WLS: variants seen among roughly 807,000 people sequenced by gnomAD.
WLS encodes the protein protein wntless homolog.
A neutral mutation model predicts 62.8 loss-of-function variants in WLS; 23 were observed. The ratio of observed to expected loss-of-function variants is 0.37; its 90% CI spans 0.26 to 0.52. The LOEUF is 0.52. Among genes scored for constraint, WLS ranks in the 20% least tolerant of loss-of-function variants. The pLI is 0.92. For synonymous variants in WLS, 246 were observed against 244.1 expected (o/e 1.01, Z -0.07); for missense variants, 615 against 697.3 (o/e 0.88, Z 1.33).
At position 68,110,774 on chromosome 1, in the gene WLS, A is replaced by T. The variant is rs139227327; in HGVS notation, c.1511-12021T>A. Among the ~76,000 whole-genome samples, 4 of 151,778 alleles carry T rather than the reference A, an allele frequency of 2.6e-5. No homozygotes were observed. The East Asian group carries it at 7.7e-4, about 29-fold the overall frequency. The stretch of plus-strand genomic sequence containing the variant: ...ATATATATATATATTTGCTCGATAA[A>T]GGATATTGTGTTGTAGATCATGAGT... On this transcript the variant is annotated intron_variant, in intron 11 of 11. Transcript: ENST00000354777.
At chr1:68,122,024 C>T (rs1202007627), downstream of WLS, among the ~76,000 whole-genome samples, 6 of 152,280 alleles carry the variant, frequency 3.9e-5, no homozygotes, top group Non-Finnish European at 2.9e-5. Flanking sequence ...AGGAAGTCTA[C>T]GATGATGGAG....
intron 2 of WLS, among the ~76,000 whole-genome samples, chr1:68,177,496 A>G (rs1368278707): frequency 1.3e-5 from 2 of 152,020 alleles, no homozygotes; most frequent in Non-Finnish European, 2.9e-5. Flanking sequence ...CCTCCTTTCT[A>G]TTCAAGTCCG....
chr1:68,158,927 T>G (rs560244696), intron 3 of WLS, among the ~76,000 whole-genome samples, 196 bp downstream of exon 3: 1 of 152,320 alleles, frequency 6.6e-6, no homozygotes, highest in African/African-American at 2.4e-5. Context: ...GCAGGAAATC[T>G]TAACAGTAAT....
intron 1 of WLS, among the ~76,000 whole-genome samples, chr1:68,213,998 C>T (rs1053282920): frequency 2.2e-4 from 33 of 152,352 alleles, no homozygotes; most frequent in African/African-American, 7.9e-4. Flanking sequence ...AGCTTCTCTT[C>T]TGCCTTCAGG....
chr1:68,109,725 CATT>C (rs1180320189), intron 11 of WLS, among the ~76,000 whole-genome samples: 3 of 151,864 alleles, frequency 2.0e-5, no homozygotes, highest in Non-Finnish European at 4.4e-5. Context: ...GATCAATAAT[CATT>C]ATAGGTTCCA....
At position 68,126,098 on chromosome 1, in the gene WLS, G is replaced by C; in HGVS notation, c.*128C>G. ...AAACTGACAAATGTCCATGCCGCTG[G>C]TCCAAGAAACCACAGCTAAGAGCCA... On this transcript the variant is annotated 3_prime_UTR_variant, in exon 12 of 12. Transcript: ENST00000262348. 1 of 1,460,388 alleles carries C rather than the reference G, an allele frequency of 6.8e-7. No individual in the cohort carries two copies. The highest frequency in any genetic ancestry group is 9.1e-7 in the Non-Finnish European group (1 of 1,102,866). The allele number at this position is 1,460,388 out of a possible 1,614,324, so 90.5% of individuals were successfully genotyped here.
At chr1:68,122,212 C>CA (rs901836906), downstream of WLS, among the ~76,000 whole-genome samples, 6 of 152,172 alleles carry the variant, frequency 3.9e-5, no homozygotes, top group African/African-American at 1.4e-4. Flanking sequence ...TGGCCACTAC[C>CA]ATGTGAACAC....
At chr1:68,119,378 T>C (rs536519686) in intron 11 of WLS, among the ~76,000 whole-genome samples, 5 of 152,250 alleles carry the variant, frequency 3.3e-5, no homozygotes, top group Admixed American at 2.0e-4. Flanking sequence ...TACTCTTTCA[T>C]GTATTTTTGC....
intron 2 of WLS, among the ~76,000 whole-genome samples, chr1:68,165,063 C>T (rs916540727): frequency 6.6e-6 from 1 of 152,286 alleles, no homozygotes; most frequent in South Asian, 2.1e-4. Flanking sequence ...CAATAAAGTA[C>T]ATCCTACTTA....
At chr1:68,160,520 G>A (rs767235113) in intron 2 of WLS, among the ~76,000 whole-genome samples, 1 of 152,166 alleles carries the variant, frequency 6.6e-6, no homozygotes, top group Non-Finnish European at 1.5e-5. Flanking sequence ...CAACGCACTT[G>A]CCTTAAACAT....
chr1:68,210,689 T>C (rs1649477702), intron 1 of WLS, among the ~76,000 whole-genome samples: 1 of 152,116 alleles, frequency 6.6e-6, no homozygotes, highest in South Asian at 2.1e-4. Context: ...AAATTGGGGT[T>C]CCCTGTTGAA....
chr1:68,204,418 C>T (rs575953546), intron 1 of WLS, among the ~76,000 whole-genome samples: 39 of 152,142 alleles, frequency 2.6e-4, no homozygotes, highest in Admixed American at 2.4e-3. Context: ...CTCCCGGGTT[C>T]ACGCCATTGT....
At chr1:68,211,407 C>T (rs1358586280) in intron 1 of WLS, among the ~76,000 whole-genome samples, 1 of 151,846 alleles carries the variant, frequency 6.6e-6, no homozygotes, top group Non-Finnish European at 1.5e-5. Context: ...TCTTATTCAT[C>T]TTTCCATATT....
At chr1:68,106,834 C>T (rs1401968476) in intron 11 of WLS, among the ~76,000 whole-genome samples, 20 of 151,976 alleles carry the variant, frequency 1.3e-4, no homozygotes, top group Admixed American at 1.0e-3. Context: ...TCCTGCAACA[C>T]GAGATCAGTT....
intron 1 of WLS, among the ~76,000 whole-genome samples, chr1:68,213,797 C>G (rs1292902910): frequency 6.6e-6 from 1 of 152,124 alleles, no homozygotes; most frequent in Admixed American, 6.6e-5. Context: ...TGCTGGAGGG[C>G]AAAATCCATG....
chr1:68,134,655 T>C (rs933899683), intron 11 of WLS, among the ~76,000 whole-genome samples: 2 of 152,230 alleles, frequency 1.3e-5, no homozygotes, highest in Non-Finnish European at 2.9e-5. Flanking sequence ...GTCCCAGTTA[T>C]AGTCACAAAC....
At chr1:68,099,277 C>T (rs144184200) in intron 11 of WLS, among the ~76,000 whole-genome samples, 290 of 152,106 alleles carry the variant, frequency 1.9e-3, no homozygotes, top group African/African-American at 6.2e-3. Flanking sequence ...TACTCAGAGA[C>T]AGGAAAAAGA....
Position 68,197,286 on chromosome 1 carries a change from A to G in WLS, c.107-3059T>C, listed in dbSNP as rs149889198. ...CTTTTTAGGGGCCTGCATTATTTTC[A>G]TCCTCTCATTAGTCTAGTGTTTCTT... On this transcript the variant is annotated intron_variant, in intron 1 of 11. Transcript: ENST00000262348. Among the ~76,000 whole-genome samples the G allele has an allele frequency of 4.5e-3, 687 of 152,034 alleles. 4 individuals carry two copies. Among genetic ancestry groups the G allele is most frequent in the African/African-American group, 0.015 (636 of 41,456 alleles).
chr1:68,201,892 T>G (rs1260154264), intron 1 of WLS: 1 of 152,218 alleles, frequency 6.6e-6, no homozygotes, highest in African/African-American at 2.4e-5. Context: ...GACAGCAATT[T>G]TCCAAAAATT....
Sources: gnomAD v4.1 joint callset for allele counts (sites outside exome capture counted in the v4.1 genomes callset) on GRCh38, gnomAD v4.1.1 for gene constraint, MANE v1.5 for transcripts, NCBI Gene and HGNC (gene_info 2026-07-23, HGNC 2026-07-21) for gene names.